METTL4: variants seen among roughly 807,000 people sequenced by gnomAD.
The protein encoded by METTL4 is N(6)-adenine-specific methyltransferase METTL4.
A neutral mutation model predicts 54.0 loss-of-function variants in METTL4; 40 were observed. The observed-to-expected ratio is 0.74, with a 90% CI of 0.58 to 0.96. The LOEUF is 0.96. Among genes scored for constraint, METTL4 ranks in the 50% least tolerant of loss-of-function variants. METTL4 has a pLI of 0.00. For synonymous variants in METTL4, 169 were observed against 183.8 expected, an observed-to-expected ratio of 0.92 and a Z score of 0.65; for missense variants, 525 against 549.0, an observed-to-expected ratio of 0.96 and a Z score of 0.44.
At chr18:2,540,265 T>C (rs2071975128) in intron 8 of METTL4, 1 of 981,184 alleles carries the variant, frequency 1.0e-6, no homozygotes. Context: ...TGGTTAGCTA[T>C]GCTAACCACC....
chr18:2,563,250 T>C (rs2072348923), intron 3 of METTL4, among the ~76,000 whole-genome samples: 1 of 152,198 alleles, frequency 6.6e-6, no homozygotes, highest in Admixed American at 6.5e-5. Context: ...AGCATAAGTT[T>C]ACTTTGTTAA....
intron 6 of METTL4, among the ~76,000 whole-genome samples, chr18:2,546,876 G>A (rs535902388): frequency 6.6e-6 from 1 of 152,032 alleles, no homozygotes; most frequent in Non-Finnish European, 1.5e-5. Flanking sequence ...AGCATAAAAG[G>A]TTCTTGGTTC....
intron 4 of METTL4, 51 bp downstream of exon 4, chr18:2,554,618 A>G (rs1280807313): frequency 1.9e-6 from 3 of 1,542,608 alleles, no homozygotes; most frequent in African/African-American, 1.4e-5. Context: ...TTAACTTTTC[A>G]GCCCACGGAA....
At chr18:2,557,313 AAAAAAT>A (rs1365085161) in intron 3 of METTL4, among the ~76,000 whole-genome samples, 1 of 152,134 alleles carries the variant, frequency 6.6e-6, no homozygotes, top group African/African-American at 2.4e-5. Flanking sequence ...CCAAAAATTT[AAAAAAT>A]AAAAATAAAA....
intron 8 of METTL4, among the ~76,000 whole-genome samples, 154 bp from the exon 9 acceptor site, chr18:2,539,299 T>C (rs924548843): frequency 6.6e-6 from 1 of 152,110 alleles, no homozygotes; most frequent in Non-Finnish European, 1.5e-5. Context: ...TTACTATTTA[T>C]AGTTAGAAAG....
intron 6 of METTL4, among the ~76,000 whole-genome samples, chr18:2,545,721 T>C (rs2072059734): frequency 6.6e-6 from 1 of 152,114 alleles, no homozygotes; most frequent in Admixed American, 6.5e-5. Flanking sequence ...TTTTATCTCC[T>C]CTAGGGCCAA....
intron 8 of METTL4, 48 bp downstream of exon 8, chr18:2,544,147 T>C (rs747589679): frequency 6.2e-5 from 90 of 1,457,214 alleles, no homozygotes; most frequent in Non-Finnish European, 8.2e-5. Context: ...GTACACTTTT[T>C]TTCAAATTTG....
chr18:2,557,617 G>A (rs2072257760), intron 3 of METTL4, among the ~76,000 whole-genome samples: 1 of 152,200 alleles, frequency 6.6e-6, no homozygotes, highest in Non-Finnish European at 1.5e-5. Flanking sequence ...CTTAAAAGAT[G>A]AGAGTTCCCT....
intron 8 of METTL4, chr18:2,539,802 A>T (rs116012970): frequency 0.04 from 37,729 of 951,398 alleles, 905 homozygotes; most frequent in African/African-American, 0.11. Context: ...TAATAAATAT[A>T]ACCCATACAT....
chr18:2,566,901 T>C lies in METTL4; in HGVS notation c.316A>G (p.Lys106Glu). ...TTTTCATTACTTTGCTGGCATTCTT[T>C]ATGAACAGCTGGAGTTATATAAGGT... The part of the protein sequence containing the change: ...TKPYITPAVH[K>E]ECQQSNEKED... Residue 106 changes from lysine (K) to glutamate (E), a missense_variant, in exon 2 of 9, where the codon AAA (lysine) becomes GAA (glutamate). By Grantham distance (56) the Lys-to-Glu change is moderately conservative. Coordinates refer to ENST00000574538, the MANE Select transcript of METTL4 (RefSeq NM_022840.5). The C allele has an allele frequency of 6.2e-7, 1 of 1,613,586 alleles. No individual in the cohort carries two copies. Among genetic ancestry groups the C allele is most frequent in the Non-Finnish European group, 8.5e-7 (1 of 1,179,692 alleles).
intron 8 of METTL4, chr18:2,540,849 G>C (rs2071984339): frequency 1.0e-6 from 1 of 985,294 alleles, no homozygotes; most frequent in African/African-American, 1.7e-5. Flanking sequence ...TTGGTACGAA[G>C]ATGTTAGCAA....
intron 2 of METTL4, among the ~76,000 whole-genome samples, chr18:2,565,123 C>T (rs1001123024): frequency 2.0e-5 from 3 of 151,996 alleles, no homozygotes; most frequent in Non-Finnish European, 2.9e-5. Flanking sequence ...ACTAAAAATA[C>T]AAAAAATTGG....
At chr18:2,551,069 C>T (rs2072150478) in intron 5 of METTL4, among the ~76,000 whole-genome samples, 1 of 145,624 alleles carries the variant, frequency 6.9e-6, no homozygotes, top group African/African-American at 2.6e-5. Flanking sequence ...GAGGCTGAGG[C>T]AGGAGAATGG....
chr18:2,547,310 C>T (rs1484559458), intron 6 of METTL4, 45 bp downstream of exon 6: 10 of 1,451,026 alleles, frequency 6.9e-6, no homozygotes, highest in South Asian at 3.0e-5. Flanking sequence ...CTTTATGTGA[C>T]TTCTATCAAG....
chr18:2,564,868 A>G (rs927276588), intron 2 of METTL4, among the ~76,000 whole-genome samples: 5 of 152,204 alleles, frequency 3.3e-5, no homozygotes, highest in Admixed American at 2.6e-4. Flanking sequence ...AAAGTCCTTT[A>G]CAAAGGCTTG....
At chr18:2,556,899 T>C (rs2072247244) in intron 3 of METTL4, among the ~76,000 whole-genome samples, 1 of 152,062 alleles carries the variant, frequency 6.6e-6, no homozygotes, top group Admixed American at 6.6e-5. Flanking sequence ...CTAATCAAAT[T>C]GCTAAAAGAA....
intron 8 of METTL4, among the ~76,000 whole-genome samples, chr18:2,542,948 C>T (rs544746820): frequency 1.7e-4 from 26 of 151,612 alleles, no homozygotes; most frequent in African/African-American, 5.6e-4. Flanking sequence ...GCCAACATGG[C>T]GAAACCCCGT....
At chr18:2,564,360 T>C (rs980310807) in intron 2 of METTL4, among the ~76,000 whole-genome samples, 2 of 152,146 alleles carry the variant, frequency 1.3e-5, no homozygotes, top group African/African-American at 4.8e-5. Context: ...AAAGAACTAG[T>C]TCCACATGAT....
At position 2,538,939 on chromosome 18, in the gene METTL4, G is replaced by C; in HGVS notation, c.*61C>G. The stretch of plus-strand genomic sequence containing the variant: ...GGTAACAAAATAAAAAAATGACTTA[G>C]AATTAAGGGAAAAGTGGTGAGGAAA... On this transcript the variant is annotated 3_prime_UTR_variant, in exon 9 of 9. Coordinates refer to ENST00000574538, the MANE Select transcript of METTL4 (RefSeq NM_022840.5). The C allele has an allele frequency of 1.3e-6, 2 of 1,547,244 alleles. No individual in the cohort carries two copies. The highest frequency in any genetic ancestry group is 2.4e-5 in the South Asian group (2 of 83,562).
Sources: allele counts gnomAD v4.1 joint callset (sites outside exome capture counted in the v4.1 genomes callset), GRCh38; gene constraint gnomAD v4.1.1; transcripts MANE v1.5; gene names NCBI Gene and HGNC (gene_info 2026-07-23, HGNC 2026-07-21).